Variants in OR8H2 observed in about 807,000 individuals in gnomAD.
OR8H2 encodes olfactory receptor 8H2.
For missense variants in OR8H2, 374 were observed against 371.1 expected (o/e 1.01, Z -0.06); for synonymous variants, 157 against 139.2 (o/e 1.13, Z -0.90).
chr11:56,106,127 T>G lies in OR8H2; in HGVS notation c.*146T>G. 3.5e-6 allele frequency: 2 copies of G among 576,106 alleles called. No homozygotes were observed. Among genetic ancestry groups the G allele is most frequent in the Non-Finnish European group, 5.9e-6 (2 of 337,264 alleles). 35.7% of individuals were successfully genotyped at this position (576,106 alleles called of 1,614,324 possible). A position where few individuals can be genotyped will look rare whatever the true frequency, so the allele number is the denominator to read the frequency against. Reference sequence around the variant, plus strand: ...TACCCTTTGCTTCACTAAACATGATTTTAAACATTTCAAGGCATATGTTTT... The same window carrying G: ...TACCCTTTGCTTCACTAAACATGATGTTAAACATTTCAAGGCATATGTTTT... On this transcript the variant is annotated 3_prime_UTR_variant, in exon 2 of 2. Coordinates refer to ENST00000313503, the MANE Select transcript of OR8H2 (RefSeq NM_001386064.1).
At position 56,105,777 on chromosome 11, in the gene OR8H2, C is replaced by T; in HGVS notation, c.735C>T (p.Leu245=). The T allele has an allele frequency of 6.2e-7, 1 of 1,613,772 alleles. No individual in the cohort carries two copies. Among genetic ancestry groups the T allele is most frequent in the South Asian group, 1.1e-5 (1 of 91,080 alleles). Reference sequence around the variant, plus strand: ...CTTTCTCTACTTGCGTCTCTCATCTCTTGGGAGTCACCATCTTTTATAGCA... The same window carrying T: ...CTTTCTCTACTTGCGTCTCTCATCTTTTGGGAGTCACCATCTTTTATAGCA... ...QKAFSTCVSH[L]LGVTIFYSTL... The change falls in exon 2 of 2, where the codon CTC becomes CTT. Residue 245 remains leucine (L), a synonymous_variant. Transcript: ENST00000313503.
In OR8H2 at chr11:56,105,034, C is replaced by T. The variant is rs368197080; in HGVS notation, c.-9C>T. 1.9e-6 allele frequency: 3 copies of T among 1,600,392 alleles called. No homozygotes were observed. In the East Asian group the frequency reaches 6.7e-5, roughly 36 times the overall value. Reference sequence around the variant, plus strand: ...GCTTTGATTTCTCAGCAGTTTAGAGCAGGTGAACATGATGGGTAGAAGGAA... The same window carrying T: ...GCTTTGATTTCTCAGCAGTTTAGAGTAGGTGAACATGATGGGTAGAAGGAA... On this transcript the variant is annotated 5_prime_UTR_variant, in exon 2 of 2. Coordinates refer to ENST00000313503, the MANE Select transcript of OR8H2 (RefSeq NM_001386064.1).
rs557650035 is a variant in OR8H2, at chr11:56,107,081, C to A, written c.*1100C>A. 9 of 151,922 alleles carry A rather than the reference C, an allele frequency of 5.9e-5. No homozygotes were observed. Among genetic ancestry groups the A allele is most frequent in the African/African-American group, 2.2e-4 (9 of 41,528 alleles). 9.4% of individuals were successfully genotyped at this position (151,922 alleles called of 1,614,324 possible). A position where few individuals can be genotyped will look rare whatever the true frequency, so the allele number is the denominator to read the frequency against. On this transcript the variant is annotated 3_prime_UTR_variant, in exon 2 of 2. Transcript: ENST00000313503. ...CCATTTACAAGTTTAATGTTGTCAT[C>A]GACAACTCTAATATAAATTTTTTCT...
At position 56,105,636 on chromosome 11, in the gene OR8H2, G is replaced by C; in HGVS notation, c.594G>C (p.Leu198=). The change falls in exon 2 of 2, where the codon CTG becomes CTC. Residue 198 remains leucine, a synonymous_variant. Transcript: ENST00000313503. ...CTGATACATACAACACCGAAATCCT[G>C]ATATTCATTATTGTTGGTTCCACCC... The part of the protein sequence containing the change: ...SCTDTYNTEI[L]IFIIVGSTLM... 1 of 1,614,062 alleles carries C rather than the reference G, an allele frequency of 6.2e-7. No homozygotes were observed. Among genetic ancestry groups the C allele is most frequent in the South Asian group, 1.1e-5 (1 of 91,078 alleles).
At chr11:56,104,840 T>G (rs1565046634) in intron 1 of OR8H2, 32 bp from the exon 2 acceptor site, 3 of 434,260 alleles carry the variant, frequency 6.9e-6, no homozygotes, top group East Asian at 6.7e-5. Context: ...ACAGAAAGTT[T>G]TTTTTTGTTT....
In OR8H2 at chr11:56,105,416, C is replaced by T; in HGVS notation, c.374C>T (p.Ala125Val). The T allele has an allele frequency of 1.2e-6, 2 of 1,614,170 alleles. No individual in the cohort carries two copies. Among genetic ancestry groups the T allele is most frequent in the Non-Finnish European group, 1.7e-6 (2 of 1,180,026 alleles). ...TCAATGGCCCATGATCGCTATGCAG[C>T]GATCTGCAGTCCTCTACACTACACA... ...LSSMAHDRYA[A>V]ICSPLHYTVI... Residue 125 changes from alanine to valine, a missense_variant, in exon 2 of 2, where the codon GCG (alanine) becomes GTG (valine). By Grantham distance (64) the Ala-to-Val change is moderately conservative (BLOSUM62 0). Coordinates refer to ENST00000313503, the MANE Select transcript of OR8H2 (RefSeq NM_001386064.1).
At chr11:56,104,595 T>C (rs1463999312) in intron 1 of OR8H2, among the ~76,000 whole-genome samples, 1 of 152,184 alleles carries the variant, frequency 6.6e-6, no homozygotes, top group Non-Finnish European at 1.5e-5. Context: ...ATCTAAGGTA[T>C]ACTATTTTCA....
chr11:56,107,181 T>C lies in OR8H2; in HGVS notation c.*1200T>C, dbSNP rs1854066261. 6.6e-6 allele frequency: 1 copy of C among 151,944 alleles called. No individual in the cohort carries two copies. Among genetic ancestry groups the C allele is most frequent in the Non-Finnish European group, 1.5e-5 (1 of 67,806 alleles). The allele number at this position is 151,944 out of a possible 1,614,324, so 9.4% of individuals were successfully genotyped here. A position where few individuals can be genotyped will look rare whatever the true frequency, so the allele number is the denominator to read the frequency against. On this transcript the variant is annotated 3_prime_UTR_variant, in exon 2 of 2. Coordinates refer to ENST00000313503, the MANE Select transcript of OR8H2 (RefSeq NM_001386064.1). ...ATATAAACTCACCAACTTACAAATCTACATGCAGTGATATCTCTTTTGCGT... is the reference window on the plus strand; with the variant it reads ...ATATAAACTCACCAACTTACAAATCCACATGCAGTGATATCTCTTTTGCGT...
At chr11:56,104,405 C>A (rs776841754) in intron 1 of OR8H2, among the ~76,000 whole-genome samples, 2 of 151,922 alleles carry the variant, frequency 1.3e-5, no homozygotes, top group Admixed American at 6.6e-5. Flanking sequence ...ATGTCTAGCT[C>A]TTTTCTCAAG....
rs545130632 is a variant in OR8H2 at position 56,104,676 on chromosome 11, C to T, written c.-171-196C>T. ...AGGTTCATTCTAATTATGCAATATG[C>T]TACATGCTACACTTTATTGTAACAT... On this transcript the variant is annotated intron_variant, in intron 1 of 1. Coordinates refer to ENST00000313503, the MANE Select transcript of OR8H2 (RefSeq NM_001386064.1). Among the ~76,000 whole-genome samples, 9 of 152,234 alleles carry T rather than the reference C, an allele frequency of 5.9e-5. 1 individual carries two copies. The South Asian group carries it at 1.7e-3, about 28-fold the overall frequency.
rs201218671 is a variant in OR8H2, at chr11:56,105,559, G to A, written c.517G>A (p.Val173Ile). The A allele has an allele frequency of 7.1e-5, 114 of 1,614,126 alleles. No individual in the cohort carries two copies. The East Asian group carries it at 7.8e-4, about 11-fold the overall frequency. Residue 173 changes from valine to isoleucine, a missense_variant, in exon 2 of 2, where the codon GTA becomes ATA. Physicochemically the swap from Val to Ile is conservative, Grantham distance 29. Coordinates refer to ENST00000313503, the MANE Select transcript of OR8H2 (RefSeq NM_001386064.1). ...CAGATTGCATTTCTACGACTCAAACGTAATTCATCACTTTTTCTGTGACAC... is the reference window on the plus strand; with the variant it reads ...CAGATTGCATTTCTACGACTCAAACATAATTCATCACTTTTTCTGTGACAC... ...MSRLHFYDSN[V>I]IHHFFCDTSP...
In OR8H2 at chr11:56,105,710, T is replaced by G; in HGVS notation, c.668T>G (p.Phe223Cys). 6.2e-7 allele frequency: 1 copy of G among 1,614,114 alleles called. No homozygotes were observed. Residue 223 changes from phenylalanine (F) to cysteine (C), a missense_variant, in exon 2 of 2, where the codon TTT (phenylalanine) becomes TGT (cysteine). Coordinates refer to ENST00000313503, the MANE Select transcript of OR8H2 (RefSeq NM_001386064.1). Reference sequence around the variant, plus strand: ...TCTGCATCCTATGTGTTCATTCTCTTTACCATCCTGAAAATTAATTCCACT... The same window carrying G: ...TCTGCATCCTATGTGTTCATTCTCTGTACCATCCTGAAAATTAATTCCACT... The part of the protein sequence containing the change: ...TISASYVFIL[F>C]TILKINSTSG...
Position 56,105,686 on chromosome 11 carries a change from C to A in OR8H2, c.644C>A (p.Ser215Tyr). Residue 215 changes from serine to tyrosine, a missense_variant, in exon 2 of 2, where the codon TCT (serine) becomes TAT (tyrosine). Ser to Tyr is a moderately radical substitution (Grantham distance 144). Coordinates refer to ENST00000313503, the MANE Select transcript of OR8H2 (RefSeq NM_001386064.1). The part of the protein sequence containing the change: ...STLMVSLFTI[S>Y]ASYVFILFTI... ...CTGATGGTGTCCCTTTTCACAATAT[C>A]TGCATCCTATGTGTTCATTCTCTTT... 6.2e-7 allele frequency: 1 copy of A among 1,614,142 alleles called. No individual in the cohort carries two copies. The highest frequency in any genetic ancestry group is 8.5e-7 in the Non-Finnish European group (1 of 1,179,952).
rs763166245 is a variant in OR8H2 at position 56,105,865 on chromosome 11, T to C, written c.823T>C (p.Ser275Pro). Residue 275 changes from serine to proline, a missense_variant, in exon 2 of 2, where the codon TCT becomes CCT. By Grantham distance (74) the Ser-to-Pro change is moderately conservative. Coordinates refer to ENST00000313503, the MANE Select transcript of OR8H2 (RefSeq NM_001386064.1). ...SYSLGRDQVA[S>P]VFYTIVIPVL... ...TTCCTTGGGAAGAGATCAAGTGGCT[T>C]CTGTTTTTTATACTATTGTGATTCC... The C allele has an allele frequency of 2.7e-4, 433 of 1,612,248 alleles. 6 individuals carry two copies. The South Asian group carries it at 4.5e-3, about 17-fold the overall frequency.
Position 56,104,856 on chromosome 11 carries a change from TTG to T in OR8H2, c.-171-14_-171-13del. ...CAGAAAGTTTTTTTTTGTTTGTTTTTTGTTTTTTGAGTCAGAGTCTGGCACAG... is the reference window on the plus strand; with the variant it reads ...CAGAAAGTTTTTTTTTGTTTGTTTTTTTTTTTGAGTCAGAGTCTGGCACAG... On this transcript the variant is annotated splice_polypyrimidine_tract_variant and intron_variant, in intron 1 of 1. Coordinates refer to ENST00000313503, the MANE Select transcript of OR8H2 (RefSeq NM_001386064.1). The T allele has an allele frequency of 6.9e-4, 312 of 455,256 alleles. No homozygotes were observed. Among genetic ancestry groups the T allele is most frequent in the Middle Eastern group, 2.2e-3 (4 of 1,818 alleles). 28.2% of individuals were successfully genotyped at this position (455,256 alleles called of 1,614,324 possible).
In OR8H2 at chr11:56,105,969, G is replaced by A; in HGVS notation, c.927G>A (p.Gln309=). 3.2e-6 allele frequency: 5 copies of A among 1,551,604 alleles called. No individual in the cohort carries two copies. The South Asian group carries it at 3.6e-5, about 11-fold the overall frequency. The change falls in exon 2 of 2, where the codon CAG becomes CAA. Residue 309 remains glutamine (Q), a synonymous_variant. Transcript: ENST00000313503. ...TCATCAGAGTCATGCAGAGAAGACA[G>A]GACTCCAGGTAATTAATATAGCAGG... The part of the protein sequence containing the change: ...NAVIRVMQRR[Q]DSR
rs1375063231 is a variant in OR8H2 at position 56,105,398 on chromosome 11, C to T, written c.356C>T (p.Ala119Val). 11 of 1,613,988 alleles carry T rather than the reference C, an allele frequency of 6.8e-6. No homozygotes were observed. Among genetic ancestry groups the T allele is most frequent in the Non-Finnish European group, 8.5e-6 (10 of 1,180,026 alleles). The change falls in exon 2 of 2, where the codon GCC becomes GTC. Residue 119 changes from alanine (A) to valine (V), a missense_variant. Transcript: ENST00000313503. ...GAATGTTACCTTCTCTCCTCAATGG[C>T]CCATGATCGCTATGCAGCGATCTGC... ...TAECYLLSSM[A>V]HDRYAAICSP...
In OR8H2 at chr11:56,105,070, G is replaced by GTGGC. The variant is rs777416158; in HGVS notation, c.31_34dup (p.Asp12GlyfsTer2). On this transcript the variant is annotated frameshift_variant, in exon 2 of 2. Coordinates refer to ENST00000313503, the MANE Select transcript of OR8H2 (RefSeq NM_001386064.1). LOFTEE classifies it low-confidence loss of function (END_TRUNC). ...GATGGGTAGAAGGAATAACACAAAT[G>GTGGC]TGGCTGACTTCATCCTTATGGGACT... The GTGGC allele has an allele frequency of 4.3e-6, 7 of 1,613,598 alleles. No individual in the cohort carries two copies. Among genetic ancestry groups the GTGGC allele is most frequent in the East Asian group, 4.5e-5 (2 of 44,864 alleles).
chr11:56,104,886 G>A lies in OR8H2; in HGVS notation c.-157G>A, dbSNP rs1185053808. On this transcript the variant is annotated 5_prime_UTR_variant, in exon 2 of 2. Transcript: ENST00000313503. ...TTTTGAGTCAGAGTCTGGCACAGTC[G>A]CCAGGGCTGGAATGCAATGGTGCGA... is the stretch of plus-strand genomic sequence containing the variant. 1 of 610,064 alleles carries A rather than the reference G, an allele frequency of 1.6e-6. No homozygotes were observed. The highest frequency in any genetic ancestry group is 2.8e-6 in the Non-Finnish European group (1 of 356,212). The allele number at this position is 610,064 out of a possible 1,614,324, so 37.8% of individuals were successfully genotyped here.
Sources: gnomAD v4.1 joint callset for allele counts (sites outside exome capture counted in the v4.1 genomes callset) on GRCh38, gnomAD v4.1.1 for gene constraint, MANE v1.5 for transcripts, NCBI Gene and HGNC (gene_info 2026-07-23, HGNC 2026-07-21) for gene names.